FUT9: variants seen among roughly 807,000 people sequenced by gnomAD.
FUT9 encodes 4-galactosyl-N-acetylglucosaminide 3-alpha-L-fucosyltransferase 9.
Under a neutral mutation model 29.7 loss-of-function variants are expected in FUT9, and 15 were observed. The observed-to-expected ratio is 0.51, with a 90% CI of 0.34 to 0.78. The LOEUF is 0.78. Ranked by LOEUF, FUT9 falls within the 30% of genes least tolerant of loss-of-function variation. The pLI is 0.01. For synonymous variants in FUT9, 169 were observed against 153.7 expected (o/e 1.10, Z -0.74); for missense variants, 319 against 425.4 (o/e 0.75, Z 2.20).
intron 1 of FUT9, among the ~76,000 whole-genome samples, chr6:96,065,955 G>T (rs1348773067): frequency 6.6e-6 from 1 of 152,118 alleles, no homozygotes; most frequent in African/African-American, 2.4e-5. Flanking sequence ...GAACATTGAA[G>T]AAAAGTAGGA....
intron 1 of FUT9, among the ~76,000 whole-genome samples, chr6:96,019,859 G>A (rs374434417): frequency 3.3e-5 from 5 of 152,070 alleles, no homozygotes; most frequent in African/African-American, 1.2e-4. Context: ...AAGTTTCAAA[G>A]TAGTTAATAG....
chr6:96,093,727 A>G (rs1463588872), intron 1 of FUT9, among the ~76,000 whole-genome samples: 1 of 152,138 alleles, frequency 6.6e-6, no homozygotes, highest in Non-Finnish European at 1.5e-5. Flanking sequence ...ATATGGATCC[A>G]CATACACACA....
intron 1 of FUT9, among the ~76,000 whole-genome samples, chr6:96,066,131 A>G (rs1360616338): frequency 6.6e-6 from 1 of 152,042 alleles, no homozygotes; most frequent in South Asian, 2.1e-4. Flanking sequence ...TTGAGTGGTT[A>G]TTGTGTTTAT....
chr6:96,128,958 CA>C (rs1772182402), intron 2 of FUT9, among the ~76,000 whole-genome samples: 1 of 151,640 alleles, frequency 6.6e-6, no homozygotes, highest in East Asian at 1.9e-4. Flanking sequence ...AACATCTCCA[CA>C]AAAAAATACA....
chr6:96,065,696 A>G (rs2127945781), intron 1 of FUT9, among the ~76,000 whole-genome samples: 1 of 152,336 alleles, frequency 6.6e-6, no homozygotes, highest in East Asian at 1.9e-4. Flanking sequence ...CAACAGCTAC[A>G]AAACTGCTAT....
At chr6:96,173,206 G>C (rs12527456) in intron 2 of FUT9, among the ~76,000 whole-genome samples, 55,814 of 151,860 alleles carry the variant, frequency 0.37, 11,170 homozygotes, top group South Asian at 0.58. Flanking sequence ...TTTAAGTCTT[G>C]CCTTAAGAAT....
At chr6:96,089,820 C>A (rs1428596952) in intron 1 of FUT9, among the ~76,000 whole-genome samples, 4 of 152,114 alleles carry the variant, frequency 2.6e-5, no homozygotes, top group Non-Finnish European at 5.9e-5. Flanking sequence ...ATCCACAATA[C>A]CCATATGGCA....
chr6:96,163,581 C>T (rs531732767), intron 2 of FUT9, among the ~76,000 whole-genome samples: 2 of 152,272 alleles, frequency 1.3e-5, no homozygotes, highest in Admixed American at 1.3e-4. Flanking sequence ...TGTTTCTGTA[C>T]CTCACCGCCG....
rs115370287 is a variant in FUT9, at chr6:96,117,520, G to A, written c.-9+3393G>A. Among the ~76,000 whole-genome samples, 741 of 152,320 alleles carry A rather than the reference G, an allele frequency of 4.9e-3. 5 individuals are homozygous for A. The highest frequency in any genetic ancestry group is 0.017 in the African/African-American group (717 of 41,578). ...TGCCCAAATTTTAGTTTCATGCTCA[G>A]TTTAGAGGTTTCTGTATATACATCA... On this transcript the variant is annotated intron_variant, in intron 2 of 2. Transcript: ENST00000302103.
chr6:96,018,827 TAGAG>T (rs1770022780), intron 1 of FUT9, among the ~76,000 whole-genome samples: 1 of 151,760 alleles, frequency 6.6e-6, no homozygotes, highest in South Asian at 2.1e-4. Context: ...AAGGGAGAGA[TAGAG>T]AGAAAGGCTT....
intron 1 of FUT9, among the ~76,000 whole-genome samples, chr6:96,082,764 T>C (rs1771258090): frequency 6.6e-6 from 1 of 151,958 alleles, no homozygotes; most frequent in South Asian, 2.1e-4. Flanking sequence ...ATTCAGCCTT[T>C]CCACTCAAAA....
At chr6:96,181,010 A>G (rs373686994) in intron 2 of FUT9, among the ~76,000 whole-genome samples, 1 of 152,006 alleles carries the variant, frequency 6.6e-6, no homozygotes. Flanking sequence ...AATAACATAC[A>G]TAGTTAGTCA....
chr6:96,191,956 T>C (rs1773519433), intron 2 of FUT9, among the ~76,000 whole-genome samples: 1 of 152,056 alleles, frequency 6.6e-6, no homozygotes, highest in African/African-American at 2.4e-5. Flanking sequence ...AAAAACCACA[T>C]GATTATCTCA....
chr6:96,170,302 T>C (rs1297051231), intron 2 of FUT9, among the ~76,000 whole-genome samples: 1 of 152,092 alleles, frequency 6.6e-6, no homozygotes, highest in Non-Finnish European at 1.5e-5. Flanking sequence ...TCCTTAGAGT[T>C]AAATGTTTTA....
chr6:96,179,769 T>C (rs557172206), intron 2 of FUT9, among the ~76,000 whole-genome samples: 89 of 151,724 alleles, frequency 5.9e-4, no homozygotes, highest in Non-Finnish European at 3.8e-4. Context: ...AAAAAATATG[T>C]TTTCAGAAAT....
intron 1 of FUT9, among the ~76,000 whole-genome samples, chr6:96,028,715 A>C (rs1243611643): frequency 3.3e-5 from 5 of 151,624 alleles, no homozygotes; most frequent in African/African-American, 1.2e-4. Context: ...TGGATAATCC[A>C]ATTCGATAAT....
At chr6:96,095,598 A>G (rs1332113549) in intron 1 of FUT9, among the ~76,000 whole-genome samples, 2 of 152,104 alleles carry the variant, frequency 1.3e-5, no homozygotes, top group Non-Finnish European at 2.9e-5. Context: ...GGATGCTGTC[A>G]TTTCTGGTTT....
At chr6:96,146,325 CT>C (rs1363466493) in intron 2 of FUT9, among the ~76,000 whole-genome samples, 1 of 152,170 alleles carries the variant, frequency 6.6e-6, no homozygotes, top group Non-Finnish European at 1.5e-5. Flanking sequence ...AAGAACATTT[CT>C]ATCTACTTTA....
intron 1 of FUT9, among the ~76,000 whole-genome samples, chr6:96,109,165 T>G (rs1386738380): frequency 6.6e-6 from 1 of 152,246 alleles, no homozygotes; most frequent in Non-Finnish European, 1.5e-5. Flanking sequence ...TTCAATGTCC[T>G]TTAATGTCAT....
Sources: gnomAD v4.1 joint callset for allele counts (sites outside exome capture counted in the v4.1 genomes callset) on GRCh38, gnomAD v4.1.1 for gene constraint, MANE v1.5 for transcripts, NCBI Gene and HGNC (gene_info 2026-07-23, HGNC 2026-07-21) for gene names.